NCAM1: variants seen among roughly 807,000 people sequenced by gnomAD.
NCAM1 encodes neural cell adhesion molecule 1.
A neutral mutation model predicts 109.8 loss-of-function variants in NCAM1; 14 were observed. The ratio of observed to expected loss-of-function variants is 0.13; its 90% confidence interval spans 0.08 to 0.20. The LOEUF (loss-of-function observed/expected upper bound fraction) is 0.20, where lower values mean the gene tolerates loss of function less well. Among genes scored for constraint, NCAM1 ranks in the 10% least tolerant of loss-of-function variants. The pLI, the probability that NCAM1 is intolerant of heterozygous loss-of-function variation, is 1.00. For synonymous variants in NCAM1, 418 were observed against 442.9 expected (o/e 0.94, Z 0.70); for missense variants, 774 against 1,109.9 (o/e 0.70, Z 4.30).
chr11:113,124,651 G>T (rs966910717), intron 1 of NCAM1, among the ~76,000 whole-genome samples: 1 of 152,140 alleles, frequency 6.6e-6, no homozygotes, highest in African/African-American at 2.4e-5. Context: ...TATTTATTTT[G>T]GAAGGGCTTT....
At chr11:113,251,854 A>T (rs991956597) in intron 15 of NCAM1, among the ~76,000 whole-genome samples, 4 of 152,228 alleles carry the variant, frequency 2.6e-5, no homozygotes, top group Admixed American at 6.5e-5. Context: ...AATGTGCTCG[A>T]TAAAGCAGTC....
intron 1 of NCAM1, among the ~76,000 whole-genome samples, chr11:113,061,022 T>G (rs1953895304): frequency 6.6e-6 from 1 of 152,056 alleles, no homozygotes; most frequent in African/African-American, 2.4e-5. Flanking sequence ...CCAGAACTTA[T>G]GTATCTGGCA....
At position 113,273,348 on chromosome 11, in the gene NCAM1, A is replaced by T; in HGVS notation, c.2456+1472A>T. ...TAAGGCTCCTCCGGCCAGCAAGCCC[A>T]CCCCTGCACCAGTCCCCACCCCGAC... On this transcript the variant is annotated intron_variant, in intron 19 of 19. Coordinates refer to ENST00000316851, the MANE Select transcript of NCAM1 (RefSeq NM_181351.5). This position sits in a 1 kb window ranked among gnomAD's most constrained non-coding sequence, Gnocchi z 6.0. The T allele has an allele frequency of 3.1e-6, 1 of 324,940 alleles. No homozygotes were observed. Among genetic ancestry groups the T allele is most frequent in the Non-Finnish European group, 6.1e-6 (1 of 163,270 alleles). The allele number at this position is 324,940 out of a possible 1,614,324, so 20.1% of individuals were successfully genotyped here. A position where few individuals can be genotyped will look rare whatever the true frequency, so the allele number is the denominator to read the frequency against.
Position 113,235,067 on chromosome 11 carries a change from G to A in NCAM1, c.1728G>A (p.Leu576=), listed in dbSNP as rs141690701. The A allele has an allele frequency of 1.1e-3, 1,737 of 1,576,520 alleles. 20 individuals carry two copies. In the African/African-American group the frequency reaches 0.019, roughly 17 times the overall value. Residue 576 remains leucine, a synonymous_variant, in exon 14 of 20, where the codon CTG becomes CTA. Transcript: ENST00000316851. Reference sequence around the variant, plus strand: ...AGGGCATCGTCACCATCGTGGGCCTGAAGCCCGAAACAACGTACGCCGTAA... The same window carrying A: ...AGGGCATCGTCACCATCGTGGGCCTAAAGCCCGAAACAACGTACGCCGTAA... The part of the protein sequence containing the change: ...SMEGIVTIVG[L]KPETTYAVRL...
intron 1 of NCAM1, among the ~76,000 whole-genome samples, chr11:113,099,266 G>GATAAGACCTTAGAGAA (rs1939750897): frequency 6.6e-6 from 1 of 152,148 alleles, no homozygotes; most frequent in African/African-American, 2.4e-5. Context: ...AGATGGGATA[G>GATAAGACCTTAGAGAA]ATAAGACCTT....
intron 8 of NCAM1, among the ~76,000 whole-genome samples, chr11:113,220,600 C>CTTTTTTTTT (rs1336984958): frequency 4.9e-5 from 5 of 102,374 alleles, no homozygotes; most frequent in Admixed American, 9.5e-5. Flanking sequence ...CTCTCTCTCT[C>CTTTTTTTTT]TCTTTTTTTT....
At chr11:113,115,986 A>AT (rs1591338924) in intron 1 of NCAM1, among the ~76,000 whole-genome samples, 1 of 152,218 alleles carries the variant, frequency 6.6e-6, no homozygotes. Flanking sequence ...TCTTTCTCTC[A>AT]TAAGTTTAAA....
At chr11:113,128,837 G>A (rs1555097700) in intron 1 of NCAM1, among the ~76,000 whole-genome samples, 1 of 151,790 alleles carries the variant, frequency 6.6e-6, no homozygotes, top group Admixed American at 6.6e-5. Context: ...TTTGTCACTG[G>A]GGACAGCTGG....
At chr11:113,155,983 G>A (rs781840135) in intron 1 of NCAM1, among the ~76,000 whole-genome samples, 7 of 152,156 alleles carry the variant, frequency 4.6e-5, no homozygotes, top group Non-Finnish European at 8.8e-5. Flanking sequence ...ATTGGTGGAG[G>A]GAAAGAGGAG....
intron 1 of NCAM1, among the ~76,000 whole-genome samples, chr11:113,014,757 A>T (rs1347658051): frequency 6.6e-6 from 1 of 152,196 alleles, no homozygotes; most frequent in Non-Finnish European, 1.5e-5. Context: ...GGTTGTAAGG[A>T]CAGAAATACA....
At chr11:113,022,786 C>T (rs1952430246) in intron 1 of NCAM1, among the ~76,000 whole-genome samples, 1 of 152,128 alleles carries the variant, frequency 6.6e-6, no homozygotes, top group South Asian at 2.1e-4. Flanking sequence ...AACCAGGATC[C>T]TAGTTTTCCA....
At chr11:113,267,116 C>T (rs1371666669) in intron 17 of NCAM1, among the ~76,000 whole-genome samples, 1 of 152,244 alleles carries the variant, frequency 6.6e-6, no homozygotes, top group Non-Finnish European at 1.5e-5. Flanking sequence ...ATAATTTCCA[C>T]ACATTGGTGC....
intron 17 of NCAM1, chr11:113,262,985 G>A (rs1946051676): frequency 6.4e-7 from 1 of 1,574,170 alleles, no homozygotes; most frequent in Admixed American, 1.9e-5. Context: ...AAAGATCAGT[G>A]CCCCCTTTGG....
intron 1 of NCAM1, among the ~76,000 whole-genome samples, chr11:113,046,457 A>G (rs1555080838): frequency 6.6e-6 from 1 of 152,246 alleles, no homozygotes; most frequent in Non-Finnish European, 1.5e-5. Context: ...TTATGTTTAC[A>G]GACAACTCTC....
At chr11:113,161,031 T>C (rs1203456057) in intron 1 of NCAM1, among the ~76,000 whole-genome samples, 2 of 152,148 alleles carry the variant, frequency 1.3e-5, no homozygotes, top group South Asian at 2.1e-4. Flanking sequence ...ACGTGGGAAG[T>C]TGGGTTCTGT....
intron 7 of NCAM1, among the ~76,000 whole-genome samples, chr11:113,210,821 C>CACACAT (rs1249418105): frequency 2.0e-4 from 29 of 144,346 alleles, no homozygotes; most frequent in African/African-American, 7.2e-4. Context: ...CACACACACA[C>CACACAT]ATATTTCACA....
intron 1 of NCAM1, among the ~76,000 whole-genome samples, chr11:113,110,519 C>T (rs1043893594): frequency 6.6e-6 from 1 of 152,128 alleles, no homozygotes; most frequent in Non-Finnish European, 1.5e-5. Context: ...TTGGGTCATT[C>T]ATATAGGGGG....
chr11:113,005,157 C>T (rs575208365), intron 1 of NCAM1, among the ~76,000 whole-genome samples: 17 of 151,916 alleles, frequency 1.1e-4, no homozygotes, highest in Non-Finnish European at 2.1e-4. Flanking sequence ...CTTCATTCTC[C>T]GATATCCTTT....
chr11:113,272,323 G>A (rs1328861905), intron 19 of NCAM1, among the ~76,000 whole-genome samples: 2 of 152,054 alleles, frequency 1.3e-5, no homozygotes, highest in Non-Finnish European at 2.9e-5. Flanking sequence ...GACCCACGGA[G>A]CCCCAGACCA....
Sources: allele counts gnomAD v4.1 joint callset (sites outside exome capture counted in the v4.1 genomes callset), GRCh38; gene constraint gnomAD v4.1.1; non-coding constraint Gnocchi (gnomAD v3.1); transcripts MANE v1.5; gene names NCBI Gene and HGNC (gene_info 2026-07-23, HGNC 2026-07-21).